The following MACROD2 variants were observed in gnomAD, a reference collection of about 807,000 sequenced individuals.
The protein encoded by MACROD2 is mono-ADP ribosylhydrolase 2.
In MACROD2, 36 loss-of-function variants were observed where a neutral mutation model predicts 70.4. The ratio of observed to expected loss-of-function variants is 0.51; its 90% confidence interval spans 0.39 to 0.68. The LOEUF is 0.68. Ranked by LOEUF, MACROD2 falls within the 30% of genes least tolerant of loss-of-function variation. The probability of loss-of-function intolerance (pLI) is 0.00; values close to 1 mark genes in which losing one functional copy is unlikely to be tolerated. For synonymous variants in MACROD2, 172 were observed against 178.8 expected (o/e 0.96, Z 0.30); for missense variants, 496 against 538.4 (o/e 0.92, Z 0.78).
intron 6 of MACROD2, among the ~76,000 whole-genome samples, chr20:15,414,457 A>G (rs1405118220): frequency 1.3e-5 from 2 of 152,258 alleles, no homozygotes; most frequent in African/African-American, 4.8e-5. Context: ...TCTAAGCTGT[A>G]GACGTGTCAT....
intron 15 of MACROD2, among the ~76,000 whole-genome samples, chr20:15,997,026 A>C (rs6034345): frequency 6.6e-6 from 1 of 151,928 alleles, no homozygotes; most frequent in Admixed American, 6.6e-5. Flanking sequence ...GCATGGGTTT[A>C]TTTCCGGGAT....
At chr20:14,206,077 C>T (rs1232944589) in intron 3 of MACROD2, among the ~76,000 whole-genome samples, 2 of 151,994 alleles carry the variant, frequency 1.3e-5, no homozygotes, top group African/African-American at 4.8e-5. Flanking sequence ...TTTTGTCCCC[C>T]TAGGGGATTT....
chr20:14,556,325 GA>G (rs1979028561), intron 4 of MACROD2, among the ~76,000 whole-genome samples: 1 of 152,010 alleles, frequency 6.6e-6, no homozygotes, highest in African/African-American at 2.4e-5. Flanking sequence ...AAGATCAAAA[GA>G]AGAGGGTGAA....
chr20:14,683,728 G>T (rs2070963777), intron 4 of MACROD2, among the ~76,000 whole-genome samples: 1 of 152,122 alleles, frequency 6.6e-6, no homozygotes, highest in Admixed American at 6.6e-5. Context: ...TAATGATAAT[G>T]ATAATAAAGA....
chr20:14,111,332 C>G (rs2054448412), intron 3 of MACROD2, among the ~76,000 whole-genome samples: 2 of 151,956 alleles, frequency 1.3e-5, no homozygotes. Flanking sequence ...ACTTCACAAG[C>G]ATAGGCAACC....
intron 6 of MACROD2, among the ~76,000 whole-genome samples, chr20:15,390,274 C>G (rs757714598): frequency 3.3e-5 from 5 of 152,194 alleles, no homozygotes; most frequent in Non-Finnish European, 5.9e-5. Flanking sequence ...AGGTCAATGT[C>G]AGCTTATCAA....
chr20:15,807,728 T>G (rs907088767), intron 8 of MACROD2, among the ~76,000 whole-genome samples: 1 of 152,212 alleles, frequency 6.6e-6, no homozygotes, highest in Non-Finnish European at 1.5e-5. Context: ...TATTTCTTAA[T>G]GTGGCTATCA....
chr20:14,390,031 TA>T (rs2083510436), intron 3 of MACROD2, among the ~76,000 whole-genome samples: 1 of 152,166 alleles, frequency 6.6e-6, no homozygotes, highest in African/African-American at 2.4e-5. Flanking sequence ...CTTAAGCTGA[TA>T]AAAAACTTCA....
chr20:15,615,468 C>A (rs2049024382), intron 8 of MACROD2, among the ~76,000 whole-genome samples: 1 of 152,112 alleles, frequency 6.6e-6, no homozygotes, highest in South Asian at 2.1e-4. Flanking sequence ...AGGGAGGACA[C>A]CTTCATCAGA....
intron 7 of MACROD2, among the ~76,000 whole-genome samples, chr20:15,466,736 A>C (rs2046895195): frequency 6.6e-6 from 1 of 152,240 alleles, no homozygotes; most frequent in Non-Finnish European, 1.5e-5. Flanking sequence ...AATTTTATTT[A>C]TTTAAACTGA....
chr20:15,433,831 A>G (rs1030103644), intron 7 of MACROD2, among the ~76,000 whole-genome samples: 10 of 152,046 alleles, frequency 6.6e-5, no homozygotes, highest in Admixed American at 3.3e-4. Flanking sequence ...ACAGCATGGT[A>G]CTCCTATAAA....
intron 3 of MACROD2, among the ~76,000 whole-genome samples, chr20:14,346,349 C>T (rs552164247): frequency 1.3e-5 from 2 of 152,082 alleles, no homozygotes; most frequent in African/African-American, 2.4e-5. Flanking sequence ...CTGTGTGGCT[C>T]ACATTCTATC....
intron 3 of MACROD2, among the ~76,000 whole-genome samples, chr20:14,420,872 G>A (rs1372264417): frequency 1.3e-5 from 2 of 151,920 alleles, no homozygotes; most frequent in African/African-American, 4.8e-5. Context: ...TTAATTTTTT[G>A]TGTAGAGGTG....
intron 4 of MACROD2, among the ~76,000 whole-genome samples, chr20:14,617,215 C>T (rs558748835): frequency 1.3e-5 from 2 of 152,196 alleles, no homozygotes; most frequent in East Asian, 1.9e-4. Flanking sequence ...CTCTCTTTCT[C>T]GCTTTTAACT....
chr20:14,276,670 G>A (rs1447886394), intron 3 of MACROD2, among the ~76,000 whole-genome samples: 1 of 151,990 alleles, frequency 6.6e-6, no homozygotes, highest in East Asian at 1.9e-4. Flanking sequence ...TTATGCTATT[G>A]TAATTCCTTT....
intron 2 of MACROD2, among the ~76,000 whole-genome samples, chr20:14,063,481 T>A (rs1428808143): frequency 1.3e-5 from 2 of 152,164 alleles, no homozygotes; most frequent in African/African-American, 4.8e-5. Flanking sequence ...ACAGGTTGAG[T>A]ATCTCTAATC....
intron 4 of MACROD2, among the ~76,000 whole-genome samples, chr20:14,550,522 A>G (rs377112471): frequency 7.9e-5 from 12 of 152,168 alleles, no homozygotes; most frequent in African/African-American, 2.9e-4. Context: ...TCTGTGAACC[A>G]GAAAGCAGTC....
intron 3 of MACROD2, among the ~76,000 whole-genome samples, chr20:14,415,529 A>G (rs1018663394): frequency 1.3e-5 from 2 of 152,178 alleles, no homozygotes; most frequent in African/African-American, 4.8e-5. Flanking sequence ...AATTCATCCA[A>G]TTATTGACAG....
intron 8 of MACROD2, among the ~76,000 whole-genome samples, chr20:15,561,452 G>C (rs533112847): frequency 6.4e-4 from 97 of 152,236 alleles, no homozygotes; most frequent in African/African-American, 2.2e-3. Context: ...TGGGTAGGGT[G>C]GTTACTTGCT....
Sources: allele counts gnomAD v4.1 joint callset (sites outside exome capture counted in the v4.1 genomes callset), GRCh38; gene constraint gnomAD v4.1.1; transcripts MANE v1.5; gene names NCBI Gene and HGNC (gene_info 2026-07-23, HGNC 2026-07-21).